TBC1D16: variants seen among roughly 807,000 people sequenced by gnomAD.
TBC1D16 encodes the protein CTD-2529O21.1.
Under a neutral mutation model 74.7 loss-of-function variants are expected in TBC1D16, and 58 were observed. The observed-to-expected ratio is 0.78, with a 90% CI of 0.63 to 0.97. The LOEUF is 0.97. Among genes scored for constraint, TBC1D16 ranks in the 50% least tolerant of loss-of-function variants. The pLI is 0.00. For missense variants in TBC1D16, 1,014 were observed against 1,079.5 expected (o/e 0.94, Z 0.85); for synonymous variants, 493 against 474.7 (o/e 1.04, Z -0.50).
rs918392298 is a variant in TBC1D16 at position 80,008,776 on chromosome 17, T to A, written c.779+1384A>T. Among the ~76,000 whole-genome samples the A allele has an allele frequency of 1.3e-5, 2 of 152,210 alleles. No individual in the cohort carries two copies. The highest frequency in any genetic ancestry group is 1.3e-4 in the Admixed American group (2 of 15,288). ...TCTCCAATAACTGAGATGAATGTTA[T>A]CGGTTCACCCTGGGGCTCTAATGGA... On this transcript the variant is annotated intron_variant, in intron 3 of 11. Coordinates refer to ENST00000310924, the MANE Select transcript of TBC1D16 (RefSeq NM_019020.4). This position sits in a 1 kb window ranked among gnomAD's most constrained non-coding sequence, Gnocchi z 4.5.
At chr17:79,973,223 T>C (rs1214887064) in intron 3 of TBC1D16, among the ~76,000 whole-genome samples, 2 of 152,138 alleles carry the variant, frequency 1.3e-5, no homozygotes, top group Non-Finnish European at 2.9e-5. Context: ...CATACACACC[T>C]ATGATAAAGT....
At position 80,035,231 on chromosome 17, in the gene TBC1D16, TTTTTC is replaced by T. The variant is rs1314029272; in HGVS notation, c.-63+559_-63+563del. On this transcript the variant is annotated intron_variant, in intron 1 of 11. Coordinates refer to ENST00000310924, the MANE Select transcript of TBC1D16 (RefSeq NM_019020.4). This position sits in a 1 kb window ranked among gnomAD's most constrained non-coding sequence, Gnocchi z 5.3. ...TTTCCTTCCTTTCGTTCTTTCTTTC[TTTTTC>T]TTTTTTTTTTTTTCCCAAAGGAAAG... 3.7e-5 allele frequency among the ~76,000 whole-genome samples: 2 copies of T among 53,456 alleles called. No homozygotes were observed. Among genetic ancestry groups the T allele is most frequent in the African/African-American group, 5.4e-5 (1 of 18,546 alleles). The allele number at this position is 53,456 out of a possible 152,430, so 35.1% of individuals were successfully genotyped here. A position where few individuals can be genotyped will look rare whatever the true frequency, so the allele number is the denominator to read the frequency against.
At chr17:79,989,296 A>G (rs2034971383) in intron 3 of TBC1D16, among the ~76,000 whole-genome samples, 1 of 152,208 alleles carries the variant, frequency 6.6e-6, no homozygotes, top group Non-Finnish European at 1.5e-5. Context: ...GACCTGCCCG[A>G]CGGGTTTTAT....
chr17:79,948,228 G>C (rs548496226), intron 8 of TBC1D16, among the ~76,000 whole-genome samples: 2 of 150,674 alleles, frequency 1.3e-5, no homozygotes, highest in African/African-American at 4.9e-5. Flanking sequence ...CTGGAGAATC[G>C]CTTGAACCCG....
At chr17:79,945,179 C>T in intron 9 of TBC1D16, 92 bp from the exon 10 acceptor site, 1 of 1,385,312 alleles carries the variant, frequency 7.2e-7, no homozygotes, top group Non-Finnish European at 9.6e-7. Context: ...TTCCCTGGGC[C>T]ACCCCAGCCT....
In TBC1D16 at chr17:79,952,678, C is replaced by T. The variant is rs748604939; in HGVS notation, c.920G>A (p.Arg307His). The T allele has an allele frequency of 1.1e-5, 18 of 1,600,452 alleles. No homozygotes were observed. Among genetic ancestry groups the T allele is most frequent in the Middle Eastern group, 1.7e-4 (1 of 6,034 alleles). ...CTACCTGAAGAAAAGGCGGAGGGAGCGCATGTGGCCCAGGTCCACGCGGAA... is the reference window on the plus strand; with the variant it reads ...CTACCTGAAGAAAAGGCGGAGGGAGTGCATGTGGCCCAGGTCCACGCGGAA... ...GVFRVDLGHM[R>H]SLRLFFSDEA... The change falls in exon 4 of 12, where the codon CGC (arginine) becomes CAC (histidine). Residue 307 changes from arginine to histidine, a missense_variant. Transcript: ENST00000310924.
In TBC1D16 at chr17:79,950,866, C is replaced by A. The variant is rs1044126090; in HGVS notation, c.1090-288G>T. 5.9e-6 allele frequency: 9 copies of A among 1,517,076 alleles called. No individual in the cohort carries two copies. The highest frequency in any genetic ancestry group is 1.2e-5 in the South Asian group (1 of 81,742). The allele number at this position is 1,517,076 out of a possible 1,614,324, so 94.0% of individuals were successfully genotyped here. On this transcript the variant is annotated intron_variant, in intron 5 of 11. Transcript: ENST00000310924. The surrounding 1 kb of genome is among the most constrained non-coding windows in gnomAD (Gnocchi z 4.6). ...GCAAAAACGGAATGAATGCCTCGTT[C>A]GGCCTAACTTCCCTCTGCCGGGAGG...
rs751744573 is a variant in TBC1D16 at position 80,013,374 on chromosome 17, G to A, written c.174C>T (p.His58=). 5.6e-6 allele frequency: 9 copies of A among 1,604,256 alleles called. No homozygotes were observed. The highest frequency in any genetic ancestry group is 2.2e-5 in the South Asian group (2 of 89,418). ...PPEGLQGLGE[H]HPGYLCLYME... is the part of the protein sequence containing the mutation. The stretch of plus-strand genomic sequence containing the variant: ...TCGCCTGCCCTGGCTCACCTGGGTG[G>A]TGCTCCCCCAGCCCCTGCAGCCCCT... The change falls in exon 2 of 12, where the codon CAC becomes CAT. Residue 58 remains histidine, a synonymous_variant. Coordinates refer to ENST00000310924, the MANE Select transcript of TBC1D16 (RefSeq NM_019020.4).
At position 79,938,075 on chromosome 17, in the gene TBC1D16, G is replaced by T. The variant is rs2031734318; in HGVS notation, c.*2784C>A. On this transcript the variant is annotated 3_prime_UTR_variant, in exon 12 of 12. Transcript: ENST00000310924. ...GCGGTGGGAAGGCTAGAAGTCTAAT[G>T]ACTGAATTATCGCCCTAATGCCTCT... 1 of 152,256 alleles carries T rather than the reference G, an allele frequency of 6.6e-6. No individual in the cohort carries two copies. The highest frequency in any genetic ancestry group is 6.5e-5 in the Admixed American group (1 of 15,288). The allele number at this position is 152,256 out of a possible 1,614,324, so 9.4% of individuals were successfully genotyped here. A position where few individuals can be genotyped will look rare whatever the true frequency, so the allele number is the denominator to read the frequency against.
intron 4 of TBC1D16, 104 bp downstream of exon 4, chr17:79,952,553 G>T (rs956243576): frequency 2.1e-6 from 3 of 1,402,106 alleles, no homozygotes; most frequent in African/African-American, 2.9e-5. Flanking sequence ...TCCATCCAGG[G>T]CCCTGTGTCC....
intron 3 of TBC1D16, among the ~76,000 whole-genome samples, chr17:79,967,888 T>C (rs532336998): frequency 1.9e-4 from 29 of 152,352 alleles, no homozygotes; most frequent in African/African-American, 6.7e-4. Context: ...AGGATAGACA[T>C]ATTGATCAAT....
In TBC1D16 at chr17:79,956,211, C is replaced by T. The variant is rs2033327834; in HGVS notation, c.780-3393G>A. ...CCCAGCGCAACAGCCTGTCCCAGCCCAGCCCAAACCAAAGGTCTGTGAGCA... is the reference window on the plus strand; with the variant it reads ...CCCAGCGCAACAGCCTGTCCCAGCCTAGCCCAAACCAAAGGTCTGTGAGCA... On this transcript the variant is annotated intron_variant, in intron 3 of 11. Transcript: ENST00000310924. The surrounding 1 kb of genome is among the most constrained non-coding windows in gnomAD (Gnocchi z 4.0). 6.6e-6 allele frequency among the ~76,000 whole-genome samples: 1 copy of T among 152,216 alleles called. No homozygotes were observed. Among genetic ancestry groups the T allele is most frequent in the Admixed American group, 6.5e-5 (1 of 15,288 alleles).
intron 1 of TBC1D16, among the ~76,000 whole-genome samples, chr17:80,022,297 T>C (rs2036312486): frequency 6.7e-6 from 1 of 149,826 alleles, no homozygotes; most frequent in Admixed American, 6.6e-5. Flanking sequence ...AACACTGAAA[T>C]CTATGATAAA....
chr17:80,012,790 C>T (rs1229644775), intron 2 of TBC1D16, among the ~76,000 whole-genome samples: 1 of 152,098 alleles, frequency 6.6e-6, no homozygotes, highest in African/African-American at 2.4e-5. Context: ...TAGGGTGTGC[C>T]GGGGCAGGCC....
chr17:79,950,723 G>C lies in TBC1D16; in HGVS notation c.1090-145C>G. 1 of 1,536,996 alleles carries C rather than the reference G, an allele frequency of 6.5e-7. No individual in the cohort carries two copies. ...CCCTGCATACAAACCCCTAAATGGCGAGTGTAATTAGGCGCAATTAAAATG... is the reference window on the plus strand; with the variant it reads ...CCCTGCATACAAACCCCTAAATGGCCAGTGTAATTAGGCGCAATTAAAATG... On this transcript the variant is annotated intron_variant, in intron 5 of 11. Coordinates refer to ENST00000310924, the MANE Select transcript of TBC1D16 (RefSeq NM_019020.4). This position sits in a 1 kb window ranked among gnomAD's most constrained non-coding sequence, Gnocchi z 4.6.
rs1464026801 is a variant in TBC1D16 at position 79,983,023 on chromosome 17, G to A, written c.779+27137C>T. On this transcript the variant is annotated intron_variant, in intron 3 of 11. Coordinates refer to ENST00000310924, the MANE Select transcript of TBC1D16 (RefSeq NM_019020.4). This position sits in a 1 kb window ranked among gnomAD's most constrained non-coding sequence, Gnocchi z 5.6. ...ACGTTTGTGCGGAATCCCTGTGTGT[G>A]TGCACACGCATCCACCCCGAGCCTC... 6.6e-6 allele frequency among the ~76,000 whole-genome samples: 1 copy of A among 152,248 alleles called. No individual in the cohort carries two copies. Among genetic ancestry groups the A allele is most frequent in the Middle Eastern group, 3.2e-3 (1 of 316 alleles).
chr17:79,962,201 ATTTTTTTTT>A (rs563506473), intron 3 of TBC1D16, among the ~76,000 whole-genome samples: 4 of 64,920 alleles, frequency 6.2e-5, no homozygotes, highest in Admixed American at 2.5e-4. Context: ...ATCTCAACCT[ATTTTTTTTT>A]TTTTTTTTTT....
chr17:80,014,397 AG>A (rs1254953224), intron 1 of TBC1D16, among the ~76,000 whole-genome samples: 4 of 152,196 alleles, frequency 2.6e-5, no homozygotes, highest in Admixed American at 6.5e-5. Context: ...CTAAAGGATT[AG>A]TATACAGAAT....
chr17:79,945,181 C>A (rs2032415226), intron 9 of TBC1D16, 94 bp from the exon 10 acceptor site: 5 of 1,373,968 alleles, frequency 3.6e-6, no homozygotes, highest in Non-Finnish European at 4.9e-6. Context: ...CCCTGGGCCA[C>A]CCCAGCCTGG....
Sources: gnomAD v4.1 joint callset for allele counts (sites outside exome capture counted in the v4.1 genomes callset) on GRCh38, gnomAD v4.1.1 for gene constraint, Gnocchi (gnomAD v3.1) non-coding constraint, MANE v1.5 for transcripts, NCBI Gene and HGNC (gene_info 2026-07-23, HGNC 2026-07-21) for gene names.